Variants in EFCAB13 observed in about 807,000 individuals in gnomAD.
The protein encoded by EFCAB13 is EF-hand calcium binding domain 13.
A neutral mutation model predicts 110.2 loss-of-function variants in EFCAB13; 91 were observed. That is an observed-to-expected ratio of 0.83 (90% confidence interval 0.70 to 0.98). The LOEUF (loss-of-function observed/expected upper bound fraction) is 0.98, where lower values mean the gene tolerates loss of function less well. Ranked by LOEUF, EFCAB13 falls within the 50% of genes least tolerant of loss-of-function variation. The pLI, the probability that EFCAB13 is intolerant of heterozygous loss-of-function variation, is 0.00. For missense variants in EFCAB13, 968 were observed against 1,119.4 expected, an observed-to-expected ratio of 0.86 and a Z score of 1.93; for synonymous variants, 323 against 369.9, an observed-to-expected ratio of 0.87 and a Z score of 1.45.
chr17:47,389,062 TTGCTC>T (rs1409462115), intron 14 of EFCAB13, among the ~76,000 whole-genome samples: 1 of 152,174 alleles, frequency 6.6e-6, no homozygotes, highest in African/African-American at 2.4e-5. Context: ...AGACTGGGTC[TTGCTC>T]TGTCATCTAG....
Position 47,369,050 on chromosome 17 carries a change from TC to T in EFCAB13, c.806-1385del, listed in dbSNP as rs373670502. ...GAAAGTTATGTGGCAGATATAGAAT[TC>T]CATGCACCTTTAATCATCGATGAGA... is the stretch of plus-strand genomic sequence containing the variant. On this transcript the variant is annotated intron_variant, in intron 10 of 24. Coordinates refer to ENST00000331493, the MANE Select transcript of EFCAB13 (RefSeq NM_152347.5). 1.1e-4 allele frequency among the ~76,000 whole-genome samples: 17 copies of T among 152,302 alleles called. No homozygotes were observed. In the South Asian group the frequency reaches 1.5e-3, roughly 13 times the overall value.
intron 10 of EFCAB13, among the ~76,000 whole-genome samples, chr17:47,366,647 A>G (rs890565276): frequency 6.6e-6 from 1 of 152,176 alleles, no homozygotes; most frequent in Non-Finnish European, 1.5e-5. Context: ...TGATTGCCTT[A>G]GTTTCAACCA....
At chr17:47,391,992 G>C (rs781183122) in intron 15 of EFCAB13, among the ~76,000 whole-genome samples, 1 of 152,038 alleles carries the variant, frequency 6.6e-6, no homozygotes, top group Non-Finnish European at 1.5e-5. Flanking sequence ...AACCATTTTT[G>C]AGTATCTGTG....
intron 5 of EFCAB13, among the ~76,000 whole-genome samples, chr17:47,337,524 C>T (rs1455430056): frequency 6.6e-6 from 1 of 152,062 alleles, no homozygotes; most frequent in Non-Finnish European, 1.5e-5. Context: ...AATGTTTTTA[C>T]TTATTCATTA....
intron 17 of EFCAB13, among the ~76,000 whole-genome samples, chr17:47,398,084 G>A (rs867845741): frequency 8.2e-5 from 12 of 146,490 alleles, no homozygotes; most frequent in Admixed American, 4.0e-4. Flanking sequence ...CCCGCCGCCC[G>A]GCCAGCCGCC....
rs914244284 is a variant in EFCAB13, at chr17:47,394,802, T to A, written c.1801+703T>A. ...GTATATCATACAGAGAAAGAGATTG[T>A]CAGTTACTTCATTTTTCCTAGGAAA... On this transcript the variant is annotated intron_variant, in intron 16 of 24. Coordinates refer to ENST00000331493, the MANE Select transcript of EFCAB13 (RefSeq NM_152347.5). Among the ~76,000 whole-genome samples, 15 of 152,330 alleles carry A rather than the reference T, an allele frequency of 9.8e-5. 1 individual carries two copies. The highest frequency in any genetic ancestry group is 3.6e-4 in the African/African-American group (15 of 41,564).
rs147866703 is a variant in EFCAB13 at position 47,440,585 on chromosome 17, G to A, written c.2793G>A (p.Ser931=). ...ACATGTTAAAAACAATACAGGATTCGATAGTTAAAGCACAGGTAAGTAAGA... is the reference window on the plus strand; with the variant it reads ...ACATGTTAAAAACAATACAGGATTCAATAGTTAAAGCACAGGTAAGTAAGA... ...VVYMLKTIQD[S]IVKAQVSKKQ... is the part of the protein sequence containing the mutation. Residue 931 remains serine, a synonymous_variant, in exon 25 of 25, where the codon TCG becomes TCA. Transcript: ENST00000331493. 28 of 1,612,978 alleles carry A rather than the reference G, an allele frequency of 1.7e-5. No individual in the cohort carries two copies. Among genetic ancestry groups the A allele is most frequent in the Middle Eastern group, 1.6e-4 (1 of 6,066 alleles).
intron 12 of EFCAB13, among the ~76,000 whole-genome samples, chr17:47,377,230 C>G (rs1223784939): frequency 1.3e-5 from 2 of 152,130 alleles, no homozygotes; most frequent in Admixed American, 1.3e-4. Flanking sequence ...GGTGCGATCT[C>G]AGTGCACTGC....
chr17:47,351,294 TGTGTGTGTGTGCGCGCGC>T (rs1449685488), intron 9 of EFCAB13, among the ~76,000 whole-genome samples: 2 of 133,982 alleles, frequency 1.5e-5, no homozygotes, highest in Non-Finnish European at 3.3e-5. Flanking sequence ...TGTGTGTGTG[TGTGTGTGTGTGCGCGCGC>T]GCGCGCGCGC....
At chr17:47,352,886 C>G (rs1298624122) in intron 9 of EFCAB13, among the ~76,000 whole-genome samples, 1 of 152,070 alleles carries the variant, frequency 6.6e-6, no homozygotes, top group Non-Finnish European at 1.5e-5. Context: ...CAGCTTGATA[C>G]TAGTGTATAG....
intron 23 of EFCAB13, among the ~76,000 whole-genome samples, chr17:47,417,509 T>C (rs1356952548): frequency 6.6e-6 from 1 of 152,236 alleles, no homozygotes; most frequent in East Asian, 1.9e-4. Flanking sequence ...GATTGTCTAA[T>C]GTCAATATGT....
At chr17:47,371,538 G>T (rs1019963702) in intron 11 of EFCAB13, among the ~76,000 whole-genome samples, 2 of 152,056 alleles carry the variant, frequency 1.3e-5, no homozygotes, top group Non-Finnish European at 2.9e-5. Context: ...GCTTTGTTGG[G>T]TGTAAACCAA....
intron 23 of EFCAB13, among the ~76,000 whole-genome samples, chr17:47,424,381 C>G (rs1447704434): frequency 6.6e-6 from 1 of 152,140 alleles, no homozygotes; most frequent in Admixed American, 6.5e-5. Context: ...GATCATAGTT[C>G]CCAGCGTGAG....
chr17:47,416,303 A>G (rs538766279), intron 23 of EFCAB13, among the ~76,000 whole-genome samples: 3 of 152,274 alleles, frequency 2.0e-5, no homozygotes, highest in African/African-American at 4.8e-5. Context: ...CTCTCCAGCT[A>G]CTGACAACCA....
intron 23 of EFCAB13, among the ~76,000 whole-genome samples, chr17:47,424,638 G>A (rs1904864723): frequency 1.3e-5 from 2 of 151,982 alleles, no homozygotes; most frequent in Non-Finnish European, 2.9e-5. Context: ...GGCAGTATCA[G>A]TGATGGCATG....
At chr17:47,411,889 C>A (rs1031312692) in intron 21 of EFCAB13, among the ~76,000 whole-genome samples, 2 of 152,078 alleles carry the variant, frequency 1.3e-5, no homozygotes, top group South Asian at 2.1e-4. Context: ...CTCAGGAGTT[C>A]GAGACCAGTC....
At chr17:47,432,530 C>A (rs895496062) in intron 24 of EFCAB13, among the ~76,000 whole-genome samples, 25 of 152,136 alleles carry the variant, frequency 1.6e-4, no homozygotes, top group Admixed American at 6.5e-4. Context: ...GTTGAGGCTG[C>A]AGTGAGCTGT....
At chr17:47,351,308 C>T (rs62074455) in intron 9 of EFCAB13, among the ~76,000 whole-genome samples, 97,455 of 132,260 alleles carry the variant, frequency 0.74, 33,987 homozygotes, top group Middle Eastern at 0.82. Context: ...TGTGTGTGCG[C>T]GCGCGCGCGC....
intron 4 of EFCAB13, among the ~76,000 whole-genome samples, chr17:47,331,062 A>G (rs183015790): frequency 3.9e-5 from 6 of 152,142 alleles, no homozygotes; most frequent in East Asian, 3.9e-4. Context: ...GACCATTTGT[A>G]TATCTTCTTT....
Sources: allele counts gnomAD v4.1 joint callset (sites outside exome capture counted in the v4.1 genomes callset), GRCh38; gene constraint gnomAD v4.1.1; transcripts MANE v1.5; gene names NCBI Gene and HGNC (gene_info 2026-07-23, HGNC 2026-07-21).